KLHL29: variants seen among roughly 807,000 people sequenced by gnomAD.
KLHL29 encodes kelch like family member 29, also known as kelch-like protein 29.
Under a neutral mutation model 80.4 loss-of-function variants are expected in KLHL29, and 21 were observed. That is an observed-to-expected ratio of 0.26 (90% CI 0.19 to 0.38). KLHL29 has a LOEUF of 0.38. Ranked by LOEUF, KLHL29 falls within the 10% of genes least tolerant of loss-of-function variation. The pLI is 1.00. For synonymous variants in KLHL29, 511 were observed against 526.8 expected (o/e 0.97, Z 0.41); for missense variants, 867 against 1,223.9 (o/e 0.71, Z 4.35).
rs72796125 is a variant in KLHL29 at position 23,696,299 on chromosome 2, C to T, written c.1925-34C>T. ...GCTGACCCCAGGCCCCTCCTCACCCCGCCCGCTCTCTCTGCCTCCCACACT... is the reference window on the plus strand; with the variant it reads ...GCTGACCCCAGGCCCCTCCTCACCCTGCCCGCTCTCTCTGCCTCCCACACT... On this transcript the variant is annotated intron_variant, in intron 10 of 13. Transcript: ENST00000486442. This position sits in a 1 kb window ranked among gnomAD's most constrained non-coding sequence, Gnocchi z 5.5. 0.12 allele frequency: 184,601 copies of T among 1,547,296 alleles called. 11,618 individuals are homozygous for T. Among genetic ancestry groups the T allele is most frequent in the Middle Eastern group, 0.16 (868 of 5,508 alleles).
intron 3 of KLHL29, chr2:23,616,721 G>T (rs754873968): frequency 2.0e-5 from 3 of 152,208 alleles, no homozygotes; most frequent in Non-Finnish European, 2.9e-5. Context: ...TGAGCGAACG[G>T]GTTCAGAGAA....
chr2:23,648,514 G>A (rs1400730950), intron 5 of KLHL29, among the ~76,000 whole-genome samples: 2 of 151,838 alleles, frequency 1.3e-5, no homozygotes, highest in Admixed American at 6.6e-5. Flanking sequence ...CCATTGTAAC[G>A]TTTGACAATC....
intron 1 of KLHL29, among the ~76,000 whole-genome samples, chr2:23,426,876 C>G (rs1663018475): frequency 6.6e-6 from 1 of 152,216 alleles, no homozygotes; most frequent in South Asian, 2.1e-4. Context: ...GTGAAGTACA[C>G]ATGACGCACC....
intron 1 of KLHL29, among the ~76,000 whole-genome samples, chr2:23,392,793 A>G (rs1217531219): frequency 1.3e-5 from 2 of 152,162 alleles, no homozygotes; most frequent in Non-Finnish European, 1.5e-5. Flanking sequence ...TTTCCCATGC[A>G]TCTGCACCAC....
chr2:23,561,261 T>A (rs1667439462), intron 2 of KLHL29, among the ~76,000 whole-genome samples: 1 of 152,196 alleles, frequency 6.6e-6, no homozygotes, highest in African/African-American at 2.4e-5. Context: ...AGGCCCTGGA[T>A]GGGCAGGGAA....
rs1184621772 is a variant in KLHL29, at chr2:23,562,461, G to A, written c.265G>A (p.Ala89Thr). The change falls in exon 3 of 14, where the codon GCG (alanine) becomes ACG (threonine). Residue 89 changes from alanine to threonine, a missense_variant. By Grantham distance (58) the Ala-to-Thr change is moderately conservative. This residue lies in a region of KLHL29 where 424 missense variants were observed against 456.9 expected (regional missense o/e 0.93). Transcript: ENST00000486442. The surrounding 1 kb of genome is among the most constrained non-coding windows in gnomAD (Gnocchi z 4.5). Reference sequence around the variant, plus strand: ...CATCACCAGCCTCGTGGCCAGCTCTGCGTCTGCGGTCACCACCAAGGTAAG... The same window carrying A: ...CATCACCAGCCTCGTGGCCAGCTCTACGTCTGCGGTCACCACCAAGGTAAG... ...EAITSLVASS[A>T]SAVTTKAPGI... is the part of the protein sequence containing the mutation. 1.3e-6 allele frequency: 2 copies of A among 1,536,132 alleles called. No homozygotes were observed. Among genetic ancestry groups the A allele is most frequent in the African/African-American group, 2.7e-5 (2 of 73,036 alleles).
chr2:23,647,548 C>G lies in KLHL29; in HGVS notation c.940+4698C>G, dbSNP rs1558423024. On this transcript the variant is annotated intron_variant, in intron 5 of 13. Coordinates refer to ENST00000486442, the MANE Select transcript of KLHL29 (RefSeq NM_052920.2). This position sits in a 1 kb window ranked among gnomAD's most constrained non-coding sequence, Gnocchi z 4.9. ...ATATGTCCTCTGCTCTTCTGTACCC[C>G]CACCACCCCACCATCAGGCCACCGT... Among the ~76,000 whole-genome samples the G allele has an allele frequency of 6.6e-6, 1 of 152,168 alleles. No individual in the cohort carries two copies. The highest frequency in any genetic ancestry group is 2.4e-5 in the African/African-American group (1 of 41,440).
At chr2:23,645,957 G>C (rs1345029544) in intron 5 of KLHL29, among the ~76,000 whole-genome samples, 1 of 152,182 alleles carries the variant, frequency 6.6e-6, no homozygotes, top group East Asian at 1.9e-4. Context: ...TTATTTAAAT[G>C]CATTGAGCAC....
At chr2:23,670,929 TC>T (rs1558432870) in intron 5 of KLHL29, among the ~76,000 whole-genome samples, 147 of 6,320 alleles carry the variant, frequency 0.023, 9 homozygotes, top group South Asian at 0.11. Context: ...TCTCTCTCTC[TC>T]TCTCTCTCTC....
At chr2:23,545,279 A>G (rs1409600093) in intron 2 of KLHL29, among the ~76,000 whole-genome samples, 1 of 152,214 alleles carries the variant, frequency 6.6e-6, no homozygotes, top group Non-Finnish European at 1.5e-5. Flanking sequence ...CGGGCACAAG[A>G]GCCTCCTTCC....
In KLHL29 at chr2:23,639,307, C is replaced by T. The variant is rs199587094; in HGVS notation, c.427+27C>T. On this transcript the variant is annotated intron_variant, in intron 4 of 13. Coordinates refer to ENST00000486442, the MANE Select transcript of KLHL29 (RefSeq NM_052920.2). Reference sequence around the variant, plus strand: ...TACGTACCTCATCGGCAGATAGAAACGACTGAGCCCAGGGCTTGGCGGGAA... The same window carrying T: ...TACGTACCTCATCGGCAGATAGAAATGACTGAGCCCAGGGCTTGGCGGGAA... The T allele has an allele frequency of 1.3e-4, 200 of 1,541,952 alleles. 2 individuals carry two copies. The South Asian group carries it at 1.9e-3, about 15-fold the overall frequency.
intron 5 of KLHL29, among the ~76,000 whole-genome samples, chr2:23,676,916 C>T (rs1670938570): frequency 6.6e-6 from 1 of 152,050 alleles, no homozygotes; most frequent in Non-Finnish European, 1.5e-5. Context: ...GAAGAAAGAG[C>T]CCCCACTCAA....
intron 5 of KLHL29, among the ~76,000 whole-genome samples, chr2:23,661,748 A>G (rs1670415068): frequency 6.6e-6 from 1 of 152,244 alleles, no homozygotes; most frequent in Non-Finnish European, 1.5e-5. Context: ...ATGATGAGTC[A>G]CTGAGGCTTG....
At position 23,427,387 on chromosome 2, in the gene KLHL29, A is replaced by G. The variant is rs560828206; in HGVS notation, c.-154+41607A>G. Among the ~76,000 whole-genome samples, 6 of 152,374 alleles carry G rather than the reference A, an allele frequency of 3.9e-5. No individual in the cohort carries two copies. In the East Asian group the frequency reaches 1.2e-3, roughly 29 times the overall value. On this transcript the variant is annotated intron_variant, in intron 1 of 13. Transcript: ENST00000486442. ...GCCAGAAAAGTCTCTCACAGTGGGA[A>G]GTCATGCTTTAGATGGTGTGTCCTG...
At chr2:23,463,343 T>G (rs185704991) in intron 1 of KLHL29, among the ~76,000 whole-genome samples, 25 of 152,282 alleles carry the variant, frequency 1.6e-4, no homozygotes, top group African/African-American at 6.0e-4. Context: ...ACACTAAAAT[T>G]TATACTACAT....
chr2:23,545,567 G>A (rs963335543), intron 2 of KLHL29, among the ~76,000 whole-genome samples: 2 of 152,214 alleles, frequency 1.3e-5, no homozygotes, highest in Non-Finnish European at 2.9e-5. Context: ...AGAGATGCAG[G>A]CACCACCTCG....
intron 1 of KLHL29, among the ~76,000 whole-genome samples, chr2:23,439,798 G>A (rs1184573261): frequency 2.0e-5 from 3 of 152,074 alleles, no homozygotes; most frequent in African/African-American, 7.2e-5. Flanking sequence ...TTGATTTGGG[G>A]TGGAGAGTTC....
At chr2:23,463,712 T>C (rs1049962364) in intron 1 of KLHL29, among the ~76,000 whole-genome samples, 7 of 152,204 alleles carry the variant, frequency 4.6e-5, no homozygotes, top group African/African-American at 1.7e-4. Context: ...GTAAGCCCCT[T>C]CTGACCACCT....
At chr2:23,530,159 C>G (rs753452960) in intron 2 of KLHL29, among the ~76,000 whole-genome samples, 6 of 152,204 alleles carry the variant, frequency 3.9e-5, no homozygotes, top group Non-Finnish European at 5.9e-5. Context: ...AGGGCTGGCT[C>G]TAGTACTGTG....
Sources: allele counts gnomAD v4.1 joint callset (sites outside exome capture counted in the v4.1 genomes callset), GRCh38; gene constraint gnomAD v4.1.1; regional missense constraint gnomAD v4.1.1; non-coding constraint Gnocchi (gnomAD v3.1); transcripts MANE v1.5; gene names NCBI Gene and HGNC (gene_info 2026-07-23, HGNC 2026-07-21).